PDE12: variants seen among roughly 807,000 people sequenced by gnomAD.
PDE12 encodes the protein phosphodiesterase 12.
PDE12 carries 26 observed loss-of-function variants against 45.4 expected under a neutral mutation model. That is an observed-to-expected ratio of 0.57 (90% confidence interval 0.42 to 0.79). PDE12 has a LOEUF of 0.79. Ranked by LOEUF, PDE12 falls within the 30% of genes least tolerant of loss-of-function variation. The probability of loss-of-function intolerance (pLI) is 0.00; values close to 1 mark genes in which losing one functional copy is unlikely to be tolerated. For synonymous variants in PDE12, 283 were observed against 323.9 expected, an observed-to-expected ratio of 0.87 and a Z score of 1.36; for missense variants, 668 against 790.0, an observed-to-expected ratio of 0.85 and a Z score of 1.85.
chr3:57,597,440 G>T, the PDE12 span: 15 of 251,180 alleles, frequency 6.0e-5, no homozygotes, highest in East Asian at 1.4e-3. Context: ...CCTCCAACGC[G>T]GACAGAATCG....
chr3:57,641,596 A>G, the PDE12 span: 1 of 1,412,082 alleles, frequency 7.1e-7, no homozygotes, highest in South Asian at 1.5e-5. Context: ...ATGAAAAGAA[A>G]GAAACCTGTT....
In PDE12 at chr3:57,559,917, T is replaced by A; in HGVS notation, c.1743T>A (p.His581Gln). The A allele has an allele frequency of 6.2e-7, 1 of 1,613,992 alleles. No individual in the cohort carries two copies. The highest frequency in any genetic ancestry group is 8.5e-7 in the Non-Finnish European group (1 of 1,180,028). ...EVEQVIPLPS[H>Q]EEVTTHQALP... ...AACAGGTGATTCCATTACCTAGTCA[T>A]GAAGAAGTTACCACCCACCAGGCCT... The change falls in exon 3 of 3, where the codon CAT (histidine) becomes CAA (glutamine). Residue 581 changes from histidine (H) to glutamine (Q), a missense_variant. His to Gln is a conservative substitution (Grantham distance 24). Transcript: ENST00000311180.
At chr3:57,602,854 A>C in the PDE12 span, among the ~76,000 whole-genome samples, 26,226 of 152,044 alleles carry the variant, frequency 0.17, 2,782 homozygotes, top group East Asian at 0.48. Flanking sequence ...TACAGGCGTG[A>C]GCCACCACGT....
At chr3:57,572,349 A>T in the PDE12 span, 1 of 1,336,174 alleles carries the variant, frequency 7.5e-7, no homozygotes, top group Non-Finnish European at 1.1e-6. Flanking sequence ...AATATATAAC[A>T]CCAGTGTTTA....
the PDE12 span, among the ~76,000 whole-genome samples, chr3:57,619,285 T>A: frequency 2.0e-5 from 3 of 150,728 alleles, no homozygotes; most frequent in African/African-American, 7.3e-5. Context: ...GAGGCGGAGG[T>A]TGCAGTGAGC....
downstream of PDE12, chr3:57,571,367 G>A (rs1446201564): frequency 3.9e-5 from 6 of 152,402 alleles, no homozygotes; most frequent in East Asian, 1.9e-4. Flanking sequence ...ACACAATTAC[G>A]TATTTTATCA....
At chr3:57,641,283 T>C in the PDE12 span, among the ~76,000 whole-genome samples, 1 of 144,010 alleles carries the variant, frequency 6.9e-6, no homozygotes. Context: ...AAAATATATA[T>C]TTAAATATTA....
At chr3:57,647,755 G>A in the PDE12 span, among the ~76,000 whole-genome samples, 3 of 150,048 alleles carry the variant, frequency 2.0e-5, no homozygotes, top group African/African-American at 7.3e-5. Flanking sequence ...TTGACCTGGT[G>A]TTGAGAGTCA....
chr3:57,576,065 C>T, the PDE12 span, among the ~76,000 whole-genome samples: 6 of 152,178 alleles, frequency 3.9e-5, no homozygotes, highest in Non-Finnish European at 7.4e-5. Flanking sequence ...TGATTCTTTT[C>T]GGACTTCTAT....
the PDE12 span, among the ~76,000 whole-genome samples, chr3:57,580,944 C>A: frequency 6.6e-6 from 1 of 151,988 alleles, no homozygotes; most frequent in Non-Finnish European, 1.5e-5. Context: ...TGCTATCAGT[C>A]CCAAAGTGAC....
the PDE12 span, among the ~76,000 whole-genome samples, chr3:57,636,936 C>CAAA: frequency 2.1e-4 from 11 of 51,944 alleles, no homozygotes; most frequent in Admixed American, 4.0e-4. Flanking sequence ...GACTCTGTCT[C>CAAA]AAAAAAAAAA....
At chr3:57,617,478 A>C in the PDE12 span, among the ~76,000 whole-genome samples, 1,944 of 152,312 alleles carry the variant, frequency 0.013, 21 homozygotes, top group Non-Finnish European at 0.021. Flanking sequence ...AAGGAAAATA[A>C]ATCATTCTAC....
the PDE12 span, chr3:57,577,325 C>T: frequency 6.2e-7 from 1 of 1,612,800 alleles, no homozygotes; most frequent in Non-Finnish European, 8.5e-7. Flanking sequence ...CCATTTTCTG[C>T]AGCTCATCTG....
the PDE12 span, among the ~76,000 whole-genome samples, chr3:57,622,500 T>A: frequency 6.6e-6 from 1 of 152,268 alleles, no homozygotes; most frequent in South Asian, 2.1e-4. Flanking sequence ...TACAACCACT[T>A]TGGAACAGTT....
At chr3:57,597,248 C>T in the PDE12 span, 1 of 1,123,266 alleles carries the variant, frequency 8.9e-7, no homozygotes, top group East Asian at 2.6e-5. Flanking sequence ...AGAGAAAGAG[C>T]GGAGGAAGAA....
the PDE12 span, chr3:57,645,740 T>A: frequency 6.2e-7 from 1 of 1,612,780 alleles, no homozygotes. Context: ...CTGAAGTACT[T>A]TAATGGAGAA....
At chr3:57,649,641 AATATAT>A in the PDE12 span, among the ~76,000 whole-genome samples, 2 of 102,628 alleles carry the variant, frequency 1.9e-5, no homozygotes, top group African/African-American at 6.5e-5. Context: ...AAAAAAAAAA[AATATAT>A]ATATATATAG....
chr3:57,577,932 T>G, the PDE12 span, among the ~76,000 whole-genome samples: 7,271 of 151,844 alleles, frequency 0.048, 223 homozygotes, highest in African/African-American at 0.087. Flanking sequence ...GTGCATGCCT[T>G]TAGTCCCAGC....
the PDE12 span, chr3:57,634,600 T>C: frequency 1.4e-6 from 2 of 1,466,808 alleles, no homozygotes; most frequent in Non-Finnish European, 1.8e-6. Flanking sequence ...TATTTAAATA[T>C]GGCTTATATG....
Sources: allele counts gnomAD v4.1 joint callset (sites outside exome capture counted in the v4.1 genomes callset), GRCh38; gene constraint gnomAD v4.1.1; transcripts MANE v1.5; gene names NCBI Gene and HGNC (gene_info 2026-07-23, HGNC 2026-07-21).